TAFA2: variants seen among roughly 807,000 people sequenced by gnomAD.
TAFA2 encodes the protein chemokine-like protein TAFA-2.
A neutral mutation model predicts 18.8 loss-of-function variants in TAFA2; 7 were observed. The ratio of observed to expected loss-of-function variants is 0.37; its 90% CI spans 0.21 to 0.70. The LOEUF is 0.70. Among genes scored for constraint, TAFA2 ranks in the 30% least tolerant of loss-of-function variants. TAFA2 has a pLI of 0.53. For missense variants in TAFA2, 122 were observed against 158.1 expected (o/e 0.77, Z 1.23); for synonymous variants, 60 against 54.2 (o/e 1.11, Z -0.47).
chr12:61,826,917 G>GA (rs961371385), intron 2 of TAFA2, among the ~76,000 whole-genome samples: 2 of 151,916 alleles, frequency 1.3e-5, no homozygotes, highest in African/African-American at 2.4e-5. Flanking sequence ...ACAAATATCA[G>GA]AAAAAAATTA....
At chr12:62,094,404 T>G (rs951861187) in intron 1 of TAFA2, among the ~76,000 whole-genome samples, 1 of 151,918 alleles carries the variant, frequency 6.6e-6, no homozygotes, top group African/African-American at 2.4e-5. Context: ...TCAGATGACG[T>G]GTGCAATAAA....
chr12:62,219,255 A>G (rs901023698), intron 1 of TAFA2, among the ~76,000 whole-genome samples: 3 of 152,174 alleles, frequency 2.0e-5, no homozygotes, highest in African/African-American at 7.2e-5. Flanking sequence ...GAAATTACTT[A>G]AAGTGTAGAG....
At chr12:61,921,175 G>T (rs1011893637) in intron 1 of TAFA2, among the ~76,000 whole-genome samples, 7 of 152,218 alleles carry the variant, frequency 4.6e-5, no homozygotes, top group African/African-American at 1.7e-4. Flanking sequence ...TAAAGCAGAA[G>T]TATGACAAGA....
intron 1 of TAFA2, among the ~76,000 whole-genome samples, chr12:61,917,419 C>G (rs1876871339): frequency 1.3e-5 from 2 of 152,094 alleles, no homozygotes; most frequent in Non-Finnish European, 2.9e-5. Flanking sequence ...AACTATGCAT[C>G]TAGGCTCTGC....
chr12:62,042,596 C>A (rs916279752), intron 1 of TAFA2, among the ~76,000 whole-genome samples: 12 of 152,060 alleles, frequency 7.9e-5, no homozygotes, highest in African/African-American at 2.9e-4. Flanking sequence ...GTTTTACCAG[C>A]CTACATATCT....
At chr12:61,729,511 T>C (rs1053404323) in intron 4 of TAFA2, among the ~76,000 whole-genome samples, 5 of 152,022 alleles carry the variant, frequency 3.3e-5, no homozygotes, top group Non-Finnish European at 7.4e-5. Context: ...TTCAATTCTA[T>C]TGTTGATACT....
intron 1 of TAFA2, among the ~76,000 whole-genome samples, chr12:62,134,151 G>A (rs1443675292): frequency 5.3e-5 from 8 of 151,788 alleles, no homozygotes; most frequent in Non-Finnish European, 1.5e-5. Context: ...TTAAAGTGCT[G>A]CTTCCTCCAC....
intron 2 of TAFA2, among the ~76,000 whole-genome samples, chr12:61,839,656 C>A (rs762936104): frequency 6.6e-6 from 1 of 151,904 alleles, no homozygotes; most frequent in African/African-American, 2.4e-5. Flanking sequence ...AACAGAAAAC[C>A]AAATACAGCA....
At chr12:61,748,871 T>A (rs6581425) in intron 4 of TAFA2, among the ~76,000 whole-genome samples, 78,530 of 151,914 alleles carry the variant, frequency 0.52, 20,769 homozygotes, top group African/African-American at 0.63. Context: ...CTAGCACAAC[T>A]TCCTCATTCT....
chr12:61,982,894 A>AAAAAG (rs1879687896), intron 1 of TAFA2, among the ~76,000 whole-genome samples: 1 of 149,216 alleles, frequency 6.7e-6, no homozygotes, highest in African/African-American at 2.5e-5. Context: ...AAAAAAAAAA[A>AAAAAG]GTTACTTTTT....
chr12:61,773,478 A>G (rs1870120152), intron 2 of TAFA2, among the ~76,000 whole-genome samples: 1 of 152,096 alleles, frequency 6.6e-6, no homozygotes, highest in African/African-American at 2.4e-5. Flanking sequence ...TATAGTCACC[A>G]AAACATCATG....
At chr12:61,996,462 C>T (rs1437417587) in intron 1 of TAFA2, among the ~76,000 whole-genome samples, 1 of 152,158 alleles carries the variant, frequency 6.6e-6, no homozygotes, top group Non-Finnish European at 1.5e-5. Flanking sequence ...TCAGTCATTT[C>T]AATGTGTGTG....
intron 2 of TAFA2, among the ~76,000 whole-genome samples, chr12:61,849,362 T>C (rs575241829): frequency 5.9e-5 from 9 of 152,218 alleles, no homozygotes; most frequent in Non-Finnish European, 1.3e-4. Context: ...ACAAATGTAG[T>C]CTTCTGTACT....
intron 1 of TAFA2, among the ~76,000 whole-genome samples, chr12:62,215,746 C>CAAA (rs200803405): frequency 1.8e-4 from 13 of 72,572 alleles, no homozygotes; most frequent in African/African-American, 5.5e-4. Flanking sequence ...ACTTGTTTCT[C>CAAA]AAAAAAAAAA....
chr12:61,934,771 A>C (rs563822296), intron 1 of TAFA2, among the ~76,000 whole-genome samples: 14 of 152,312 alleles, frequency 9.2e-5, no homozygotes, highest in Middle Eastern at 3.4e-3. Flanking sequence ...GTCTCTCTCT[A>C]TGTTTATCAC....
chr12:61,965,879 T>C (rs1235631657), intron 1 of TAFA2, among the ~76,000 whole-genome samples: 4 of 151,832 alleles, frequency 2.6e-5, no homozygotes, highest in African/African-American at 4.8e-5. Flanking sequence ...TTGCATTCAG[T>C]AAACATTTGT....
chr12:61,965,931 A>C (rs1879050326), intron 1 of TAFA2, among the ~76,000 whole-genome samples: 1 of 151,832 alleles, frequency 6.6e-6, no homozygotes, highest in Non-Finnish European at 1.5e-5. Context: ...TGGACCTAGA[A>C]ATTTCTGAAA....
intron 1 of TAFA2, among the ~76,000 whole-genome samples, chr12:61,920,263 C>T (rs1448767504): frequency 1.3e-5 from 2 of 152,104 alleles, no homozygotes; most frequent in Non-Finnish European, 2.9e-5. Flanking sequence ...TCCACTTTGG[C>T]ATAAAGAGGC....
chr12:62,023,158 C>A (rs1371980526), intron 1 of TAFA2, among the ~76,000 whole-genome samples: 1 of 152,028 alleles, frequency 6.6e-6, no homozygotes, highest in African/African-American at 2.4e-5. Context: ...ATTGGTATTT[C>A]GGCCTGTTTT....
Sources: allele counts gnomAD v4.1 joint callset (sites outside exome capture counted in the v4.1 genomes callset), GRCh38; gene constraint gnomAD v4.1.1; transcripts MANE v1.5; gene names NCBI Gene and HGNC (gene_info 2026-07-23, HGNC 2026-07-21).